B3GNT7: variants seen among roughly 807,000 people sequenced by gnomAD.
The protein encoded by B3GNT7 is BGnT-7.
In B3GNT7, 9 loss-of-function variants were observed where a neutral mutation model predicts 5.1. That is an observed-to-expected ratio of 1.77 (90% CI 1.07 to 3.09). The LOEUF (loss-of-function observed/expected upper bound fraction) is 3.09. Among genes scored for constraint, B3GNT7 ranks in the 30% most tolerant of loss-of-function variants. The pLI is 0.00. For missense variants in B3GNT7, 468 were observed against 550.8 expected (o/e 0.85, Z 1.50); for synonymous variants, 253 against 248.6 (o/e 1.02, Z -0.17).
At position 231,398,868 on chromosome 2, in the gene B3GNT7, C is replaced by T. The variant is rs1182592484; in HGVS notation, c.1149C>T (p.Ala383=). The T allele has an allele frequency of 2.5e-6, 4 of 1,597,972 alleles. No homozygotes were observed. Among genetic ancestry groups the T allele is most frequent in the Admixed American group, 3.3e-5 (2 of 59,730 alleles). ...AGCTGCTGCCCCCTGAGCTGCTCGC[C>T]ATGTGGGGGCTGGTGCACAGCAATC... ...VHKLLPPELL[A]MWGLVHSNLT... is the part of the protein sequence containing the mutation. Residue 383 remains alanine (A), a synonymous_variant, in exon 2 of 2, where the codon GCC becomes GCT. Transcript: ENST00000287590.
rs550819879 is a variant in B3GNT7, at chr2:231,396,388, G to A, written c.11+574G>A. Among the ~76,000 whole-genome samples the A allele has an allele frequency of 1.8e-4, 27 of 152,268 alleles. No homozygotes were observed. The South Asian group carries it at 5.2e-3, about 29-fold the overall frequency. On this transcript the variant is annotated intron_variant, in intron 1 of 1. Transcript: ENST00000287590. ...GGCTTCCCTGGAACCCCTAGGGCTG[G>A]CAGGGCCGGATCCGGAGCCCTCCGT...
intron 1 of B3GNT7, chr2:231,397,167 A>G (rs2046522453): frequency 1.0e-6 from 1 of 985,220 alleles, no homozygotes; most frequent in Non-Finnish European, 1.2e-6. Flanking sequence ...CCACTCTCCA[A>G]TGTGCCCCAC....
Position 231,399,183 on chromosome 2 carries a change from G to T in B3GNT7, c.*258G>T. 2 of 513,268 alleles carry T rather than the reference G, an allele frequency of 3.9e-6. No homozygotes were observed. The highest frequency in any genetic ancestry group is 3.5e-6 in the Non-Finnish European group (1 of 286,808). 31.8% of individuals were successfully genotyped at this position (513,268 alleles called of 1,614,324 possible). On this transcript the variant is annotated 3_prime_UTR_variant, in exon 2 of 2. Coordinates refer to ENST00000287590, the MANE Select transcript of B3GNT7 (RefSeq NM_145236.3). ...CCCTCTCTGAGGAGCGAGGCGCCAGGCCCTGGCAGCCCTCCTGACCTGGGT... is the reference window on the plus strand; with the variant it reads ...CCCTCTCTGAGGAGCGAGGCGCCAGTCCCTGGCAGCCCTCCTGACCTGGGT...
rs1406163511 is a variant in B3GNT7 at position 231,398,546 on chromosome 2, G to T, written c.827G>T (p.Arg276Leu). 2.5e-6 allele frequency: 4 copies of T among 1,613,266 alleles called. No homozygotes were observed. Among genetic ancestry groups the T allele is most frequent in the East Asian group, 4.5e-5 (2 of 44,886 alleles). ...GTCCTGCAGCACGCTCGGCCCATTC[G>T]CAGGAAAGACAACAAATACTACATC... ...GDVLQHARPIRRKDNKYYIPG... is the reference protein window; with the variant it reads ...GDVLQHARPILRKDNKYYIPG... The change falls in exon 2 of 2, where the codon CGC (arginine) becomes CTC (leucine). Residue 276 changes from arginine to leucine, a missense_variant. By Grantham distance (102) the Arg-to-Leu change is moderately radical. Coordinates refer to ENST00000287590, the MANE Select transcript of B3GNT7 (RefSeq NM_145236.3).
chr2:231,397,116 A>AG, intron 1 of B3GNT7: 1 of 837,632 alleles, frequency 1.2e-6, no homozygotes. Flanking sequence ...AGACTGGAGA[A>AG]GGGGGAGGAG....
At position 231,398,466 on chromosome 2, in the gene B3GNT7, C is replaced by T; in HGVS notation, c.747C>T (p.Asn249=). 2.5e-6 allele frequency: 4 copies of T among 1,613,750 alleles called. No homozygotes were observed. Among genetic ancestry groups the T allele is most frequent in the Non-Finnish European group, 3.4e-6 (4 of 1,179,890 alleles). ...GDDDVFVNPT[N]LLEFLADRQP... ...ATGACGTCTTCGTCAACCCCACCAA[C>T]CTGCTAGAATTTCTGGCTGACCGGC... is the stretch of plus-strand genomic sequence containing the variant. The change falls in exon 2 of 2, where the codon AAC becomes AAT. Residue 249 remains asparagine, a synonymous_variant. Coordinates refer to ENST00000287590, the MANE Select transcript of B3GNT7 (RefSeq NM_145236.3).
chr2:231,397,744 T>C lies in B3GNT7; in HGVS notation c.25T>C (p.Tyr9His). 6.2e-7 allele frequency: 1 copy of C among 1,612,316 alleles called. No individual in the cohort carries two copies. The highest frequency in any genetic ancestry group is 8.5e-7 in the Non-Finnish European group (1 of 1,179,354). Residue 9 changes from tyrosine to histidine, a missense_variant, in exon 2 of 2, where the codon TAC (tyrosine) becomes CAC (histidine). Physicochemically the swap from Tyr to His is moderately conservative, Grantham distance 83. Transcript: ENST00000287590. ...TCTCCCCCACAGGAAGAAAACCGTC[T>C]ACCGGAGTCTGTGCCTGGCCCTGGC... MSLWKKTV[Y>H]RSLCLALALL...
intron 1 of B3GNT7, chr2:231,397,077 C>T (rs6750321): frequency 1.9e-6 from 1 of 519,934 alleles, no homozygotes; most frequent in Non-Finnish European, 2.5e-6. Context: ...CTCCATCAAC[C>T]ATGAGGGCTG....
At position 231,398,972 on chromosome 2, in the gene B3GNT7, C is replaced by CCAATA; in HGVS notation, c.*48_*49insAATAC. 1.3e-6 allele frequency: 2 copies of CCAATA among 1,486,300 alleles called. No individual in the cohort carries two copies. The highest frequency in any genetic ancestry group is 1.8e-6 in the Non-Finnish European group (2 of 1,110,606). The allele number at this position is 1,486,300 out of a possible 1,614,324, so 92.1% of individuals were successfully genotyped here. A position where few individuals can be genotyped will look rare whatever the true frequency, so the allele number is the denominator to read the frequency against. ...AGGCCAGGGCACTTGCTCCTGAGCCCCCATGGTATTGGGGCTGGAGCCACA... is the reference window on the plus strand; with the variant it reads ...AGGCCAGGGCACTTGCTCCTGAGCCCCAATACCATGGTATTGGGGCTGGAGCCACA... On this transcript the variant is annotated 3_prime_UTR_variant, in exon 2 of 2. Coordinates refer to ENST00000287590, the MANE Select transcript of B3GNT7 (RefSeq NM_145236.3).
Position 231,399,867 on chromosome 2 carries a change from C to A in B3GNT7, c.*942C>A. On this transcript the variant is annotated 3_prime_UTR_variant, in exon 2 of 2. Coordinates refer to ENST00000287590, the MANE Select transcript of B3GNT7 (RefSeq NM_145236.3). ...CTGGCCCTCCTCCCTTCCCTCCCCTCATTCCAGCTGCCTGCCCTCAGCACC... is the reference window on the plus strand; with the variant it reads ...CTGGCCCTCCTCCCTTCCCTCCCCTAATTCCAGCTGCCTGCCCTCAGCACC... The A allele has an allele frequency of 6.5e-6, 1 of 153,172 alleles. No individual in the cohort carries two copies. The allele number at this position is 153,172 out of a possible 1,614,324, so 9.5% of individuals were successfully genotyped here.
chr2:231,396,070 C>T (rs1468637404), intron 1 of B3GNT7, among the ~76,000 whole-genome samples: 2 of 152,072 alleles, frequency 1.3e-5, no homozygotes, highest in African/African-American at 2.4e-5. Context: ...CTCCCCGGCC[C>T]CGCGGCCCTG....
chr2:231,398,752 G>C lies in B3GNT7; in HGVS notation c.1033G>C (p.Glu345Gln). Residue 345 changes from glutamate (E) to glutamine (Q), a missense_variant, in exon 2 of 2, where the codon GAG (glutamate) becomes CAG (glutamine). Glu to Gln is a conservative substitution (Grantham distance 29). Coordinates refer to ENST00000287590, the MANE Select transcript of B3GNT7 (RefSeq NM_145236.3). Reference protein sequence around the residue: ...EVLGVQPTAHEGFKTFGISRN... With the variant: ...EVLGVQPTAHQGFKTFGISRN... ...GCTGGGCGTGCAGCCCACGGCCCAC[G>C]AGGGCTTCAAGACTTTCGGCATCTC... is the stretch of plus-strand genomic sequence containing the variant. 14 of 1,609,986 alleles carry C rather than the reference G, an allele frequency of 8.7e-6. No individual in the cohort carries two copies. Among genetic ancestry groups the C allele is most frequent in the Non-Finnish European group, 1.2e-5 (14 of 1,179,834 alleles).
Position 231,399,178 on chromosome 2 carries a change from G to A in B3GNT7, c.*253G>A, listed in dbSNP as rs968740927. ...GGAGGCCCTCTCTGAGGAGCGAGGC[G>A]CCAGGCCCTGGCAGCCCTCCTGACC... On this transcript the variant is annotated 3_prime_UTR_variant, in exon 2 of 2. Coordinates refer to ENST00000287590, the MANE Select transcript of B3GNT7 (RefSeq NM_145236.3). 84 of 520,178 alleles carry A rather than the reference G, an allele frequency of 1.6e-4. 1 individual carries two copies. Among genetic ancestry groups the A allele is most frequent in the Non-Finnish European group, 2.0e-4 (57 of 291,564 alleles). 32.2% of individuals were successfully genotyped at this position (520,178 alleles called of 1,614,324 possible).
In B3GNT7 at chr2:231,395,955, G is replaced by C. The variant is rs1359904121; in HGVS notation, c.11+141G>C. 1.6e-5 allele frequency: 8 copies of C among 493,472 alleles called. No homozygotes were observed. Among genetic ancestry groups the C allele is most frequent in the Non-Finnish European group, 2.3e-5 (8 of 351,180 alleles). The allele number at this position is 493,472 out of a possible 1,614,324, so 30.6% of individuals were successfully genotyped here. ...GCGCCGCGCCGGCCTCAGTTTCCCG[G>C]GGGCGGATGGGCGGGCGGGCGCGGC... On this transcript the variant is annotated intron_variant, in intron 1 of 1. Coordinates refer to ENST00000287590, the MANE Select transcript of B3GNT7 (RefSeq NM_145236.3). This position sits in a 1 kb window ranked among gnomAD's most constrained non-coding sequence, Gnocchi z 7.3.
At chr2:231,397,677 G>C in intron 1 of B3GNT7, 54 bp from the exon 2 acceptor site, 3 of 1,488,432 alleles carry the variant, frequency 2.0e-6, no homozygotes, top group South Asian at 2.7e-5. Flanking sequence ...GGCGCCAGGA[G>C]AGCCCTGGGC....
rs377712737 is a variant in B3GNT7, at chr2:231,397,129, C to A, written c.12-602C>A. ...ACAGACTGGAGAAGGGGGAGGAGGG[C>A]CAGTCTTCCTCAGGTCCCAAGCTCG... On this transcript the variant is annotated intron_variant, in intron 1 of 1. Coordinates refer to ENST00000287590, the MANE Select transcript of B3GNT7 (RefSeq NM_145236.3). The A allele has an allele frequency of 9.7e-6, 9 of 923,196 alleles. No homozygotes were observed. In the East Asian group the frequency reaches 5.9e-4, roughly 60 times the overall value. The allele number at this position is 923,196 out of a possible 1,614,324, so 57.2% of individuals were successfully genotyped here.
At chr2:231,396,329 C>A (rs2046513858) in intron 1 of B3GNT7, among the ~76,000 whole-genome samples, 1 of 152,110 alleles carries the variant, frequency 6.6e-6, no homozygotes, top group African/African-American at 2.4e-5. Flanking sequence ...TCCCGGTGCA[C>A]CCCCCGACCT....
chr2:231,397,371 C>A, intron 1 of B3GNT7: 1 of 518,606 alleles, frequency 1.9e-6, no homozygotes, highest in Non-Finnish European at 2.6e-6. Flanking sequence ...AAGGTGACAG[C>A]ATTCCCCTAA....
At position 231,395,741 on chromosome 2, in the gene B3GNT7, C is replaced by T. The variant is rs1337933604; in HGVS notation, c.-63C>T. On this transcript the variant is annotated 5_prime_UTR_variant, in exon 1 of 2. Transcript: ENST00000287590. This position sits in a 1 kb window ranked among gnomAD's most constrained non-coding sequence, Gnocchi z 7.3. The stretch of plus-strand genomic sequence containing the variant: ...CCCCACCCGCCCGCCGTCCCGCCGG[C>T]CCGAGCCGTGGCGCCCAGAGCTGCG... 9 of 1,155,228 alleles carry T rather than the reference C, an allele frequency of 7.8e-6. No homozygotes were observed. Among genetic ancestry groups the T allele is most frequent in the Non-Finnish European group, 9.6e-6 (9 of 939,258 alleles). 71.6% of individuals were successfully genotyped at this position (1,155,228 alleles called of 1,614,324 possible).
Sources: allele counts gnomAD v4.1 joint callset (sites outside exome capture counted in the v4.1 genomes callset), GRCh38; gene constraint gnomAD v4.1.1; non-coding constraint Gnocchi (gnomAD v3.1); transcripts MANE v1.5; gene names NCBI Gene and HGNC (gene_info 2026-07-23, HGNC 2026-07-21).